Variants in ADAMTSL3 observed in about 807,000 individuals in gnomAD.
ADAMTSL3 encodes the protein ADAMTS like 3.
Under a neutral mutation model 201.7 loss-of-function variants are expected in ADAMTSL3, and 128 were observed. That is an observed-to-expected ratio of 0.63 (90% CI 0.55 to 0.73). The LOEUF (loss-of-function observed/expected upper bound fraction) is 0.73. ADAMTSL3 is among the 30% of genes least tolerant of loss of function. The probability of loss-of-function intolerance (pLI) is 0.00; values close to 1 mark genes in which losing one functional copy is unlikely to be tolerated. For missense variants in ADAMTSL3, 1,990 were observed against 2,119.6 expected, an observed-to-expected ratio of 0.94 and a Z score of 1.20; for synonymous variants, 738 against 748.4, an observed-to-expected ratio of 0.99 and a Z score of 0.23.
intron 2 of ADAMTSL3, among the ~76,000 whole-genome samples, chr15:83,667,443 A>G (rs1473059054): frequency 3.3e-5 from 5 of 152,238 alleles, no homozygotes; most frequent in Non-Finnish European, 2.9e-5. Context: ...TGTAAAACAA[A>G]CAACAACAAA....
intron 20 of ADAMTSL3, 121 bp from the exon 21 acceptor site, chr15:83,982,152 A>G: frequency 1.3e-6 from 1 of 772,492 alleles, no homozygotes; most frequent in East Asian, 2.7e-5. Context: ...TGAATGTTTT[A>G]AAATAGTAAA....
intron 4 of ADAMTSL3, among the ~76,000 whole-genome samples, chr15:83,779,023 A>G (rs559610826): frequency 6.6e-6 from 1 of 152,338 alleles, no homozygotes; most frequent in South Asian, 2.1e-4. Flanking sequence ...GACGAAGGGT[A>G]TTACTTAATG....
intron 2 of ADAMTSL3, among the ~76,000 whole-genome samples, chr15:83,661,554 G>C (rs1241822805): frequency 6.6e-6 from 1 of 152,026 alleles, no homozygotes; most frequent in African/African-American, 2.4e-5. Flanking sequence ...ATTGTGAACG[G>C]GAGTTCACTC....
chr15:83,802,920 T>TA (rs2063547145), intron 4 of ADAMTSL3, among the ~76,000 whole-genome samples: 1 of 152,182 alleles, frequency 6.6e-6, no homozygotes, highest in Non-Finnish European at 1.5e-5. Flanking sequence ...TGAACATACT[T>TA]AAACACTGAA....
chr15:83,838,854 T>C (rs2064323658), intron 7 of ADAMTSL3, among the ~76,000 whole-genome samples: 1 of 152,228 alleles, frequency 6.6e-6, no homozygotes, highest in South Asian at 2.1e-4. Context: ...ACTTTTTCTG[T>C]AAAGGGATGG....
intron 17 of ADAMTSL3, among the ~76,000 whole-genome samples, chr15:83,929,680 C>CCACACACACACACA (rs147998074): frequency 2.0e-5 from 3 of 147,548 alleles, no homozygotes; most frequent in Admixed American, 6.7e-5. Flanking sequence ...GTCACCTCTA[C>CCACACACACACACA]CACACACACA....
intron 23 of ADAMTSL3, among the ~76,000 whole-genome samples, chr15:83,996,996 A>G (rs910790772): frequency 6.6e-6 from 1 of 152,168 alleles, no homozygotes; most frequent in Non-Finnish European, 1.5e-5. Context: ...TGGCAAGAGC[A>G]TGGAGAAATA....
intron 6 of ADAMTSL3, among the ~76,000 whole-genome samples, chr15:83,826,795 A>T (rs1236450036): frequency 6.6e-5 from 10 of 151,858 alleles, no homozygotes; most frequent in Admixed American, 5.9e-4. Flanking sequence ...TTTGCTGAGA[A>T]TGATGGTTTC....
intron 16 of ADAMTSL3, among the ~76,000 whole-genome samples, chr15:83,916,583 C>G (rs2066036971): frequency 6.6e-6 from 1 of 151,896 alleles, no homozygotes; most frequent in Admixed American, 6.6e-5. Context: ...GATTAAAGTT[C>G]CTTATAATAA....
intron 4 of ADAMTSL3, among the ~76,000 whole-genome samples, chr15:83,779,328 A>G (rs951554066): frequency 1.3e-5 from 2 of 152,172 alleles, no homozygotes; most frequent in African/African-American, 4.8e-5. Context: ...TCATCACCAC[A>G]TGGCACTTAC....
At chr15:83,978,034 A>G (rs1596489822) in intron 20 of ADAMTSL3, among the ~76,000 whole-genome samples, 1 of 151,526 alleles carries the variant, frequency 6.6e-6, no homozygotes, top group South Asian at 2.1e-4. Context: ...CCCAGCAGCC[A>G]TATTCAGGGC....
At chr15:84,022,638 G>C (rs912979408) in intron 26 of ADAMTSL3, among the ~76,000 whole-genome samples, 2 of 152,184 alleles carry the variant, frequency 1.3e-5, no homozygotes, top group Non-Finnish European at 2.9e-5. Flanking sequence ...TGACTATCTT[G>C]TACATCTTTT....
chr15:84,036,641 T>C (rs767687892), intron 28 of ADAMTSL3, 132 bp from the exon 29 acceptor site: 3 of 662,210 alleles, frequency 4.5e-6, no homozygotes, highest in Non-Finnish European at 7.6e-6. Context: ...GAGGAATGTC[T>C]TGGTCTTAGA....
At chr15:83,800,267 A>T (rs2063496681) in intron 4 of ADAMTSL3, among the ~76,000 whole-genome samples, 1 of 152,180 alleles carries the variant, frequency 6.6e-6, no homozygotes. Context: ...ATGTTTTGAA[A>T]ATTCGTGACA....
chr15:83,812,190 T>G (rs1249839976), intron 5 of ADAMTSL3, among the ~76,000 whole-genome samples: 2 of 152,156 alleles, frequency 1.3e-5, no homozygotes, highest in Non-Finnish European at 2.9e-5. Flanking sequence ...GCTCAAAATA[T>G]CCACCTCACC....
chr15:84,000,828 T>C (rs1696344886), intron 23 of ADAMTSL3, among the ~76,000 whole-genome samples: 1 of 152,134 alleles, frequency 6.6e-6, no homozygotes, highest in Admixed American at 6.5e-5. Context: ...AGCAGATCTG[T>C]GTGACTTAAA....
intron 15 of ADAMTSL3, among the ~76,000 whole-genome samples, chr15:83,907,753 C>T (rs935476673): frequency 6.6e-6 from 1 of 152,070 alleles, no homozygotes; most frequent in African/African-American, 2.4e-5. Flanking sequence ...TGTATATAGG[C>T]TATATTTTCT....
chr15:83,947,506 A>C (rs780929098), intron 19 of ADAMTSL3, among the ~76,000 whole-genome samples: 2 of 152,198 alleles, frequency 1.3e-5, no homozygotes, highest in Non-Finnish European at 2.9e-5. Flanking sequence ...ATATCAGGCA[A>C]TCTTCCCAAA....
chr15:83,724,206 C>G (rs982069745), intron 3 of ADAMTSL3, among the ~76,000 whole-genome samples: 1 of 151,900 alleles, frequency 6.6e-6, no homozygotes, highest in African/African-American at 2.4e-5. Flanking sequence ...TCAAGTGATT[C>G]TCCCGTCTCA....
Sources: allele counts gnomAD v4.1 joint callset (sites outside exome capture counted in the v4.1 genomes callset), GRCh38; gene constraint gnomAD v4.1.1; transcripts MANE v1.5; gene names NCBI Gene and HGNC (gene_info 2026-07-23, HGNC 2026-07-21).